Variants in NRXN1 observed in about 807,000 individuals in gnomAD.
NRXN1 encodes neurexin 1.
A neutral mutation model predicts 150.9 loss-of-function variants in NRXN1; 39 were observed. That is an observed-to-expected ratio of 0.26 (90% CI 0.20 to 0.34). NRXN1 has a LOEUF of 0.34. Among genes scored for constraint, NRXN1 ranks in the 10% least tolerant of loss-of-function variants. The probability of loss-of-function intolerance (pLI) is 1.00; values close to 1 mark genes in which losing one functional copy is unlikely to be tolerated. For missense variants in NRXN1, 1,815 were observed against 1,949.9 expected (o/e 0.93, Z 1.30); for synonymous variants, 924 against 757.0 (o/e 1.22, Z -3.62).
intron 5 of NRXN1, among the ~76,000 whole-genome samples, chr2:50,700,910 C>T (rs1693646660): frequency 6.6e-6 from 1 of 151,870 alleles, no homozygotes; most frequent in Non-Finnish European, 1.5e-5. Context: ...TCGTGATCTG[C>T]CCGCCTCGGC....
chr2:50,502,222 A>AGAAGGAAG (rs75040358), intron 13 of NRXN1, among the ~76,000 whole-genome samples: 1 of 151,094 alleles, frequency 6.6e-6, no homozygotes, highest in Non-Finnish European at 1.5e-5. Context: ...AAGAAAGGAA[A>AGAAGGAAG]GAAGGAAGGA....
intron 18 of NRXN1, among the ~76,000 whole-genome samples, chr2:50,225,302 T>G (rs894122129): frequency 6.6e-6 from 1 of 151,840 alleles, no homozygotes; most frequent in African/African-American, 2.4e-5. Context: ...TATTTCTCCA[T>G]TCACTCAGGT....
intron 5 of NRXN1, among the ~76,000 whole-genome samples, chr2:50,909,780 AG>A (rs1284765401): frequency 6.6e-6 from 1 of 151,990 alleles, no homozygotes; most frequent in African/African-American, 2.4e-5. Flanking sequence ...TAATGCAGAA[AG>A]GCAATTAGGC....
chr2:50,199,408 C>A (rs1440180011), intron 18 of NRXN1: 1 of 152,002 alleles, frequency 6.6e-6, no homozygotes, highest in African/African-American at 2.4e-5. Flanking sequence ...CCCCACCCCA[C>A]CAAAATATAA....
chr2:50,332,796 CTGAG>C (rs1440569690), intron 17 of NRXN1, among the ~76,000 whole-genome samples: 1 of 152,160 alleles, frequency 6.6e-6, no homozygotes, highest in Non-Finnish European at 1.5e-5. Context: ...GATGCTCAGC[CTGAG>C]TGTTTTCTTG....
At chr2:51,002,090 C>A (rs1314094909) in intron 2 of NRXN1, among the ~76,000 whole-genome samples, 1 of 151,960 alleles carries the variant, frequency 6.6e-6, no homozygotes. Flanking sequence ...AAACCTAGCA[C>A]AAAATACACA....
intron 16 of NRXN1, among the ~76,000 whole-genome samples, chr2:50,470,759 T>C (rs1288552079): frequency 1.3e-5 from 2 of 151,772 alleles, no homozygotes; most frequent in African/African-American, 4.8e-5. Flanking sequence ...TTCATGATAA[T>C]GTGATTAAAT....
At chr2:50,756,088 T>C (rs961592061) in intron 5 of NRXN1, among the ~76,000 whole-genome samples, 1 of 151,790 alleles carries the variant, frequency 6.6e-6, no homozygotes, top group Non-Finnish European at 1.5e-5. Flanking sequence ...TGCAGGTGGA[T>C]TATCCACATA....
intron 21 of NRXN1, among the ~76,000 whole-genome samples, chr2:49,987,539 G>A (rs1681139829): frequency 6.6e-6 from 1 of 152,088 alleles, no homozygotes; most frequent in Non-Finnish European, 1.5e-5. Context: ...CATGTGGTAA[G>A]CCTGCCTGGA....
intron 17 of NRXN1, among the ~76,000 whole-genome samples, chr2:50,282,512 G>A (rs1185259164): frequency 6.6e-6 from 1 of 152,060 alleles, no homozygotes; most frequent in Non-Finnish European, 1.5e-5. Flanking sequence ...GTATACCTGG[G>A]TTCCACGGGA....
At chr2:50,235,031 A>G (rs1037330227) in intron 18 of NRXN1, among the ~76,000 whole-genome samples, 2 of 152,134 alleles carry the variant, frequency 1.3e-5, no homozygotes, top group African/African-American at 2.4e-5. Context: ...GAGTAATTCA[A>G]TAACACAGCC....
chr2:50,643,985 A>G (rs749095976), intron 5 of NRXN1, among the ~76,000 whole-genome samples: 2 of 151,788 alleles, frequency 1.3e-5, no homozygotes, highest in Non-Finnish European at 2.9e-5. Context: ...GAATCATCCT[A>G]TTCAGAGGCA....
chr2:49,930,153 G>A (rs1281267343), intron 22 of NRXN1, among the ~76,000 whole-genome samples: 1 of 152,214 alleles, frequency 6.6e-6, no homozygotes, highest in Non-Finnish European at 1.5e-5. Flanking sequence ...TTGTAGCACA[G>A]TGAGATTTAA....
At chr2:50,465,224 A>C (rs2088693301) in intron 17 of NRXN1, among the ~76,000 whole-genome samples, 1 of 151,902 alleles carries the variant, frequency 6.6e-6, no homozygotes, top group Non-Finnish European at 1.5e-5. Flanking sequence ...AAATAACAAT[A>C]AACCCAAAAA....
chr2:50,105,090 A>G (rs1399753329), intron 18 of NRXN1: 1 of 152,004 alleles, frequency 6.6e-6, no homozygotes, highest in Non-Finnish European at 1.5e-5. Context: ...GCTTTCAACC[A>G]CATCATGCTA....
chr2:50,890,119 T>G (rs1680832257), intron 5 of NRXN1, among the ~76,000 whole-genome samples: 3 of 151,762 alleles, frequency 2.0e-5, no homozygotes, highest in Admixed American at 2.0e-4. Flanking sequence ...CTGGGCAGAG[T>G]TCTCAACTTG....
chr2:50,497,814 A>T, intron 13 of NRXN1, 100 bp from the exon 14 acceptor site: 4 of 1,098,468 alleles, frequency 3.6e-6, no homozygotes, highest in Non-Finnish European at 5.2e-6. Context: ...CAAGGAGCCA[A>T]ATCCCTCCTT....
intron 19 of NRXN1, among the ~76,000 whole-genome samples, chr2:50,090,786 T>C (rs1289479380): frequency 2.0e-5 from 3 of 152,140 alleles, no homozygotes; most frequent in Non-Finnish European, 4.4e-5. Flanking sequence ...AAAACAAACT[T>C]CTTTTATGTA....
intron 5 of NRXN1, among the ~76,000 whole-genome samples, chr2:50,883,022 G>C (rs1679682840): frequency 6.6e-6 from 1 of 151,722 alleles, no homozygotes; most frequent in Non-Finnish European, 1.5e-5. Flanking sequence ...CAAAATAAAT[G>C]TCCATAAAAT....
Sources: gnomAD v4.1 joint callset for allele counts (sites outside exome capture counted in the v4.1 genomes callset) on GRCh38, gnomAD v4.1.1 for gene constraint, MANE v1.5 for transcripts, NCBI Gene and HGNC (gene_info 2026-07-23, HGNC 2026-07-21) for gene names.